RAP1B: variants seen among roughly 807,000 people sequenced by gnomAD.
RAP1B encodes ras-related protein Rap-1b.
RAP1B carries 1 observed loss-of-function variant against 27.5 expected under a neutral mutation model. The ratio of observed to expected loss-of-function variants is 0.04; its 90% CI spans 0.01 to 0.17. RAP1B has a LOEUF of 0.17. RAP1B is among the 10% of genes least tolerant of loss of function. The pLI is 1.00. For missense variants in RAP1B, 84 were observed against 214.8 expected (o/e 0.39, Z 3.81); for synonymous variants, 75 against 73.1 (o/e 1.03, Z -0.13).
At chr12:68,619,437 A>G (rs1871244267) in intron 1 of RAP1B, among the ~76,000 whole-genome samples, 1 of 152,248 alleles carries the variant, frequency 6.6e-6, no homozygotes, top group Non-Finnish European at 1.5e-5. Flanking sequence ...TGATCAATGC[A>G]TAGTATTATA....
chr12:68,642,545 T>C (rs1873093258), intron 1 of RAP1B: 1 of 1,035,358 alleles, frequency 9.7e-7, no homozygotes. Flanking sequence ...GTGAGGCCAA[T>C]AAGGATACTT....
At chr12:68,611,625 G>C (rs540923732) in intron 1 of RAP1B, among the ~76,000 whole-genome samples, 16 of 152,276 alleles carry the variant, frequency 1.1e-4, no homozygotes, top group Middle Eastern at 3.4e-3. Flanking sequence ...GAAAAAGTTT[G>C]CCTGAAACGG....
intron 1 of RAP1B, among the ~76,000 whole-genome samples, chr12:68,640,512 G>A (rs529778801): frequency 6.6e-6 from 1 of 152,232 alleles, no homozygotes; most frequent in South Asian, 2.1e-4. Flanking sequence ...ATTGATTGCT[G>A]TATTATAGTA....
chr12:68,636,591 C>A (rs754598692), intron 1 of RAP1B, among the ~76,000 whole-genome samples: 1 of 152,166 alleles, frequency 6.6e-6, no homozygotes, highest in African/African-American at 2.4e-5. Context: ...CCACACCCAG[C>A]TACTTTATAA....
At position 68,666,887 on chromosome 12, in the gene RAP1B, T is replaced by C. The variant is rs1338720014; in HGVS notation, c.*7638T>C. Reference sequence around the variant, plus strand: ...GGAAAGCCCCAGAATTAAGCTACTCTACAAGGATTCTGAGGGAAGTCTGGG... The same window carrying C: ...GGAAAGCCCCAGAATTAAGCTACTCCACAAGGATTCTGAGGGAAGTCTGGG... On this transcript the variant is annotated 3_prime_UTR_variant, in exon 8 of 8. Coordinates refer to ENST00000250559, the MANE Select transcript of RAP1B (RefSeq NM_001010942.3). 1.3e-5 allele frequency: 2 copies of C among 152,150 alleles called. No homozygotes were observed. The highest frequency in any genetic ancestry group is 4.8e-5 in the African/African-American group (2 of 41,436). The allele number at this position is 152,150 out of a possible 1,614,324, so 9.4% of individuals were successfully genotyped here. A position where few individuals can be genotyped will look rare whatever the true frequency, so the allele number is the denominator to read the frequency against.
At chr12:68,647,709 C>G (rs1034814548) in intron 1 of RAP1B, among the ~76,000 whole-genome samples, 4 of 151,898 alleles carry the variant, frequency 2.6e-5, no homozygotes, top group Non-Finnish European at 5.9e-5. Context: ...CACTGTCACT[C>G]AAGTGAAGAC....
intron 4 of RAP1B, 100 bp from the exon 5 acceptor site, chr12:68,654,012 T>C: frequency 1.0e-6 from 1 of 980,860 alleles, no homozygotes; most frequent in East Asian, 2.5e-5. Context: ...TACATAATAC[T>C]ACAGTATTCT....
Position 68,659,407 on chromosome 12 carries a change from G to C in RAP1B, c.*158G>C. ...CGGATGAAAGCTACTATATCAGTTT[G>C]CACATTCTAATCACTTTCCAGTATC... is the stretch of plus-strand genomic sequence containing the variant. On this transcript the variant is annotated 3_prime_UTR_variant, in exon 8 of 8. Transcript: ENST00000250559. 2.5e-6 allele frequency: 1 copy of C among 402,718 alleles called. No individual in the cohort carries two copies. Among genetic ancestry groups the C allele is most frequent in the Non-Finnish European group, 4.9e-6 (1 of 205,344 alleles). The allele number at this position is 402,718 out of a possible 1,614,324, so 24.9% of individuals were successfully genotyped here. A position where few individuals can be genotyped will look rare whatever the true frequency, so the allele number is the denominator to read the frequency against.
intron 7 of RAP1B, 35 bp from the exon 8 acceptor site, chr12:68,659,245 C>T (rs1315249166): frequency 6.6e-6 from 3 of 456,056 alleles, no homozygotes; most frequent in African/African-American, 2.0e-5. Context: ...CTTTTTCTAG[C>T]CCATGTTTTT....
intron 1 of RAP1B, chr12:68,640,989 T>G (rs1872957117): frequency 6.6e-6 from 1 of 152,238 alleles, no homozygotes; most frequent in Admixed American, 6.5e-5. Flanking sequence ...ATAAATTTAC[T>G]GAACTTAATG....
At chr12:68,655,760 T>A (rs1874160760) in intron 5 of RAP1B, among the ~76,000 whole-genome samples, 1 of 152,204 alleles carries the variant, frequency 6.6e-6, no homozygotes, top group Non-Finnish European at 1.5e-5. Flanking sequence ...GGTCTCCAAC[T>A]CCTGACCTCA....
At chr12:68,656,062 C>T (rs1277687838) in intron 5 of RAP1B, among the ~76,000 whole-genome samples, 1 of 152,026 alleles carries the variant, frequency 6.6e-6, no homozygotes, top group Non-Finnish European at 1.5e-5. Context: ...CTTTTCTTCC[C>T]TTTGGAGTTA....
intron 1 of RAP1B, among the ~76,000 whole-genome samples, chr12:68,631,344 A>T (rs1465812730): frequency 1.3e-5 from 2 of 152,060 alleles, no homozygotes; most frequent in East Asian, 3.9e-4. Flanking sequence ...ACCACATATT[A>T]CTCATATTTT....
chr12:68,611,569 C>T (rs774861029), intron 1 of RAP1B, among the ~76,000 whole-genome samples: 4 of 152,034 alleles, frequency 2.6e-5, no homozygotes, highest in African/African-American at 4.8e-5. Flanking sequence ...GAGGAGCCTT[C>T]GGGGGAAACC....
rs80172923 is a variant in RAP1B at position 68,654,831 on chromosome 12, C to T, written c.324+579C>T. Among the ~76,000 whole-genome samples, 122 of 152,218 alleles carry T rather than the reference C, an allele frequency of 8.0e-4. 1 individual carries two copies. The East Asian group carries it at 0.022, about 27-fold the overall frequency. On this transcript the variant is annotated intron_variant, in intron 5 of 7. Transcript: ENST00000250559. ...AGTCTACCATAATGGAGTTTAATTC[C>T]TCATCACACTAAATATAGCAGTGGT... is the stretch of plus-strand genomic sequence containing the variant.
chr12:68,661,651 C>G lies in RAP1B; in HGVS notation c.*2402C>G, dbSNP rs1874600244. The G allele has an allele frequency of 6.6e-6, 1 of 151,886 alleles. No homozygotes were observed. The highest frequency in any genetic ancestry group is 1.5e-5 in the Non-Finnish European group (1 of 68,002). 9.4% of individuals were successfully genotyped at this position (151,886 alleles called of 1,614,324 possible). A position where few individuals can be genotyped will look rare whatever the true frequency, so the allele number is the denominator to read the frequency against. ...GATGCCAGTCACACCACCCCAGCCC[C>G]CAAGTTGTGGCAACCAAAAATGTTT... On this transcript the variant is annotated 3_prime_UTR_variant, in exon 8 of 8. Transcript: ENST00000250559.
intron 1 of RAP1B, among the ~76,000 whole-genome samples, chr12:68,644,318 C>A (rs1392716521): frequency 6.6e-6 from 1 of 152,052 alleles, no homozygotes; most frequent in Non-Finnish European, 1.5e-5. Context: ...GGGCCGGGCA[C>A]GGTGGCTCAC....
At chr12:68,653,988 A>G (rs1874014294) in intron 4 of RAP1B, 124 bp from the exon 5 acceptor site, 2 of 854,536 alleles carry the variant, frequency 2.3e-6, no homozygotes, top group Non-Finnish European at 3.6e-6. Flanking sequence ...CATAGATTAT[A>G]ATTTTAACAA....
chr12:68,651,761 C>T lies in RAP1B; in HGVS notation c.127-234C>T, dbSNP rs1873830954. 5 of 464,332 alleles carry T rather than the reference C, an allele frequency of 1.1e-5. No individual in the cohort carries two copies. In the South Asian group the frequency reaches 1.9e-4, roughly 17 times the overall value. The allele number at this position is 464,332 out of a possible 1,614,324, so 28.8% of individuals were successfully genotyped here. ...TATTGAGACTGGTTCGTGTAGGTTT[C>T]CCTGTGTTGACTTGAGAACACATGG... On this transcript the variant is annotated intron_variant, in intron 3 of 7. Coordinates refer to ENST00000250559, the MANE Select transcript of RAP1B (RefSeq NM_001010942.3).
Sources: gnomAD v4.1 joint callset for allele counts (sites outside exome capture counted in the v4.1 genomes callset) on GRCh38, gnomAD v4.1.1 for gene constraint, MANE v1.5 for transcripts, NCBI Gene and HGNC (gene_info 2026-07-23, HGNC 2026-07-21) for gene names.